The following INHBA variants were observed in gnomAD, a reference collection of about 807,000 sequenced individuals.
The protein encoded by INHBA is inhibin beta A chain.
Under a neutral mutation model 29.0 loss-of-function variants are expected in INHBA, and 1 was observed. The observed-to-expected ratio is 0.03, with a 90% CI of 0.01 to 0.16. The LOEUF (loss-of-function observed/expected upper bound fraction) is 0.16, where lower values mean the gene tolerates loss of function less well. Ranked by LOEUF, INHBA falls within the 10% of genes least tolerant of loss-of-function variation. INHBA has a pLI of 1.00. For missense variants in INHBA, 376 were observed against 545.4 expected, an observed-to-expected ratio of 0.69 and a Z score of 3.09; for synonymous variants, 242 against 216.8, an observed-to-expected ratio of 1.12 and a Z score of -1.02.
chr7:41,689,523 G>GTTTT lies in INHBA; in HGVS notation c.*123_*126dup. ...TTTTAATTTACTTTTGTTTTTTTTT[G>GTTTT]TTTTTTTTTTTGTTTTGTTTTTAAT... On this transcript the variant is annotated 3_prime_UTR_variant, in exon 3 of 3. Coordinates refer to ENST00000242208, the MANE Select transcript of INHBA (RefSeq NM_002192.4). The GTTTT allele has an allele frequency of 1.8e-6, 1 of 563,142 alleles. No homozygotes were observed. The highest frequency in any genetic ancestry group is 2.5e-6 in the Non-Finnish European group (1 of 393,034). 34.9% of individuals were successfully genotyped at this position (563,142 alleles called of 1,614,324 possible).
intron 2 of INHBA, among the ~76,000 whole-genome samples, chr7:41,698,562 G>A (rs764105850): frequency 3.9e-5 from 6 of 152,164 alleles, no homozygotes; most frequent in Non-Finnish European, 8.8e-5. Flanking sequence ...AGAAGATAAA[G>A]TCCTAATGAT....
rs1554285977 is a variant in INHBA at position 41,689,136 on chromosome 7, GTA to G, written c.*512_*513del. 8.8e-6 allele frequency: 2 copies of G among 226,732 alleles called. No individual in the cohort carries two copies. The highest frequency in any genetic ancestry group is 2.3e-5 in the African/African-American group (1 of 44,142). 14.0% of individuals were successfully genotyped at this position (226,732 alleles called of 1,614,324 possible). A position where few individuals can be genotyped will look rare whatever the true frequency, so the allele number is the denominator to read the frequency against. The stretch of plus-strand genomic sequence containing the variant: ...TGTGTGTGTGTGTGTGTGTGTGTGT[GTA>G]TGCTGATATACACAGAGATAAGTGT... On this transcript the variant is annotated 3_prime_UTR_variant, in exon 3 of 3. Transcript: ENST00000242208.
intron 2 of INHBA, 46 bp downstream of exon 2, chr7:41,699,941 T>TGCC: frequency 8.4e-6 from 1 of 118,748 alleles, no homozygotes; most frequent in Non-Finnish European, 1.8e-5. Context: ...TATTTTACCC[T>TGCC]CCCACCCCCC....
At position 41,685,705 on chromosome 7, in the gene INHBA, T is replaced by A. The variant is rs995714894; in HGVS notation, c.*3945A>T. On this transcript the variant is annotated 3_prime_UTR_variant, in exon 3 of 3. Coordinates refer to ENST00000242208, the MANE Select transcript of INHBA (RefSeq NM_002192.4). ...CAGAAGAAATGATTCACTTTATGCA[T>A]AAAAAATAAATAATAATATAGCTGA... 1 of 152,102 alleles carries A rather than the reference T, an allele frequency of 6.6e-6. No homozygotes were observed. The allele number at this position is 152,102 out of a possible 1,614,324, so 9.4% of individuals were successfully genotyped here. A position where few individuals can be genotyped will look rare whatever the true frequency, so the allele number is the denominator to read the frequency against.
At chr7:41,704,172 C>T (rs1186904624), upstream of INHBA, among the ~76,000 whole-genome samples, 1 of 152,176 alleles carries the variant, frequency 6.6e-6, no homozygotes, top group East Asian at 1.9e-4. Context: ...ACTGTGCCCA[C>T]AAGCAAAATA....
At chr7:41,694,698 C>CT (rs1447924752) in intron 2 of INHBA, among the ~76,000 whole-genome samples, 3 of 152,298 alleles carry the variant, frequency 2.0e-5, no homozygotes, top group African/African-American at 7.2e-5. Flanking sequence ...GTATCACAGC[C>CT]TGCTCTGCCT....
upstream of INHBA, among the ~76,000 whole-genome samples, chr7:41,703,991 G>T (rs968572470): frequency 6.6e-6 from 1 of 152,144 alleles, no homozygotes; most frequent in Non-Finnish European, 1.5e-5. Flanking sequence ...CAGGAGGAAG[G>T]GGTCCTCTGA....
chr7:41,702,603 G>C (rs549585092), intron 1 of INHBA, among the ~76,000 whole-genome samples: 1 of 152,296 alleles, frequency 6.6e-6, no homozygotes, highest in South Asian at 2.1e-4. Context: ...GTTCAATTAA[G>C]TTTTACAAGA....
At chr7:41,699,946 C>G (rs771544032) in intron 2 of INHBA, 41 bp downstream of exon 2, 1 of 174,642 alleles carries the variant, frequency 5.7e-6, no homozygotes, top group South Asian at 8.9e-5. Flanking sequence ...TACCCTCCCA[C>G]CCCCCACCCC....
At chr7:41,695,491 G>A (rs1794626158) in intron 2 of INHBA, among the ~76,000 whole-genome samples, 1 of 152,194 alleles carries the variant, frequency 6.6e-6, no homozygotes, top group African/African-American at 2.4e-5. Context: ...AGCAAGTGAG[G>A]TCTTAAGGTT....
At chr7:41,691,034 T>C (rs894558012) in intron 2 of INHBA, among the ~76,000 whole-genome samples, 1 of 152,208 alleles carries the variant, frequency 6.6e-6, no homozygotes, top group African/African-American at 2.4e-5. Context: ...CTCAGTTTCA[T>C]CTTCTATAAA....
intron 2 of INHBA, among the ~76,000 whole-genome samples, chr7:41,694,690 A>G (rs1794601213): frequency 6.6e-6 from 1 of 152,204 alleles, no homozygotes; most frequent in Admixed American, 6.5e-5. Flanking sequence ...GCAAGGCTGT[A>G]TCACAGCCTG....
rs1390964419 is a variant in INHBA at position 41,690,102 on chromosome 7, C to T, written c.829G>A (p.Gly277Ser). ...TTTTCCTCATCTGCTCCTGCCCCAC[C>T]TTCACCTCCGCCCTTCTTTTTCCCT... is the stretch of plus-strand genomic sequence containing the variant. ...GEGKKKGGGE[G>S]GAGADEEKEQ... is the part of the protein sequence containing the mutation. Residue 277 changes from glycine (G) to serine (S), a missense_variant, in exon 3 of 3, where the codon GGT (glycine) becomes AGT (serine). Physicochemically the swap from Gly to Ser is moderately conservative, Grantham distance 56. Transcript: ENST00000242208. 2.5e-6 allele frequency: 4 copies of T among 1,613,770 alleles called. No individual in the cohort carries two copies. Among genetic ancestry groups the T allele is most frequent in the Non-Finnish European group, 3.4e-6 (4 of 1,179,990 alleles).
At chr7:41,696,704 A>G (rs1794657900) in intron 2 of INHBA, among the ~76,000 whole-genome samples, 1 of 152,158 alleles carries the variant, frequency 6.6e-6, no homozygotes, top group Non-Finnish European at 1.5e-5. Context: ...TTCACAGAAA[A>G]GTTCGGAAGG....
In INHBA at chr7:41,690,099, C is replaced by T; in HGVS notation, c.832G>A (p.Gly278Arg). 6.2e-7 allele frequency: 1 copy of T among 1,613,826 alleles called. No homozygotes were observed. The highest frequency in any genetic ancestry group is 8.5e-7 in the Non-Finnish European group (1 of 1,179,998). ...TCCTTTTCCTCATCTGCTCCTGCCCCACCTTCACCTCCGCCCTTCTTTTTC... is the reference window on the plus strand; with the variant it reads ...TCCTTTTCCTCATCTGCTCCTGCCCTACCTTCACCTCCGCCCTTCTTTTTC... ...EGKKKGGGEGGAGADEEKEQS... is the reference protein window; with the variant it reads ...EGKKKGGGEGRAGADEEKEQS... Residue 278 changes from glycine to arginine, a missense_variant, in exon 3 of 3, where the codon GGG (glycine) becomes AGG (arginine). Gly to Arg is a moderately radical substitution (Grantham distance 125). Around this residue, in one of 4 missense-constraint regions of INHBA, gnomAD observed 253 missense variants for 313.4 expected, o/e 0.81. Coordinates refer to ENST00000242208, the MANE Select transcript of INHBA (RefSeq NM_002192.4).
intron 1 of INHBA, among the ~76,000 whole-genome samples, chr7:41,702,392 C>T (rs920337469): frequency 6.6e-6 from 1 of 152,158 alleles, no homozygotes; most frequent in Admixed American, 6.5e-5. Flanking sequence ...GCTCCAGAAA[C>T]ATCAATTACT....
At position 41,700,453 on chromosome 7, in the gene INHBA, G is replaced by T; in HGVS notation, c.-79C>A. On this transcript the variant is annotated 5_prime_UTR_variant, in exon 2 of 3. Transcript: ENST00000242208. ...CCCCCTCACGCGCAGGTTTTTTTGT[G>T]TGTGTGGATTTTTTTATTTTTTTTT... is the stretch of plus-strand genomic sequence containing the variant. 7.9e-6 allele frequency: 10 copies of T among 1,266,992 alleles called. No individual in the cohort carries two copies. The highest frequency in any genetic ancestry group is 7.0e-5 in the South Asian group (3 of 42,716). The allele number at this position is 1,266,992 out of a possible 1,614,324, so 78.5% of individuals were successfully genotyped here. A position where few individuals can be genotyped will look rare whatever the true frequency, so the allele number is the denominator to read the frequency against.
intron 2 of INHBA, 116 bp from the exon 3 acceptor site, chr7:41,690,658 G>C (rs1794481711): frequency 7.5e-7 from 1 of 1,324,550 alleles, no homozygotes; most frequent in Non-Finnish European, 1.0e-6. Flanking sequence ...TCTTGAATAG[G>C]GGTCAACAAA....
chr7:41,697,252 T>C (rs1794670105), intron 2 of INHBA, among the ~76,000 whole-genome samples: 1 of 152,152 alleles, frequency 6.6e-6, no homozygotes, highest in Non-Finnish European at 1.5e-5. Context: ...ACACTAACCT[T>C]GGTGAGAAAT....
Sources: gnomAD v4.1 joint callset for allele counts (sites outside exome capture counted in the v4.1 genomes callset) on GRCh38, gnomAD v4.1.1 for gene constraint, gnomAD v4.1.1 regional missense constraint, MANE v1.5 for transcripts, NCBI Gene and HGNC (gene_info 2026-07-23, HGNC 2026-07-21) for gene names.